The following VPS53 variants were observed in gnomAD, a reference collection of about 807,000 sequenced individuals.
The protein encoded by VPS53 is VPS53 subunit of GARP complex.
In VPS53, 70 loss-of-function variants were observed where a neutral mutation model predicts 107.0. The observed-to-expected ratio is 0.65, with a 90% CI of 0.54 to 0.80. The LOEUF is 0.80. VPS53 is among the 30% of genes least tolerant of loss of function. The pLI is 0.00. For missense variants in VPS53, 917 were observed against 1,049.4 expected (o/e 0.87, Z 1.74); for synonymous variants, 409 against 393.3 (o/e 1.04, Z -0.47).
chr17:570,619 C>T lies in VPS53; in HGVS notation c.1314-7874G>A, dbSNP rs570106651. 4.6e-4 allele frequency among the ~76,000 whole-genome samples: 70 copies of T among 152,200 alleles called. 2 individuals are homozygous for T. The South Asian group carries it at 0.014, about 31-fold the overall frequency. On this transcript the variant is annotated intron_variant, in intron 13 of 21. Coordinates refer to ENST00000437048, the MANE Select transcript of VPS53 (RefSeq NM_001128159.3). ...AATTAGTCTTCTGGGTTGAAGGAGA[C>T]CAAAGAGACATGACAACTAAATGCA...
chr17:692,574 A>G (rs55986006), intron 4 of VPS53, among the ~76,000 whole-genome samples: 182 of 152,382 alleles, frequency 1.2e-3, no homozygotes, highest in Non-Finnish European at 2.2e-3. Flanking sequence ...TATGCCTTCA[A>G]TATTTAAATC....
chr17:565,840 C>T (rs1272062946), intron 13 of VPS53, among the ~76,000 whole-genome samples: 1 of 152,228 alleles, frequency 6.6e-6, no homozygotes, highest in Non-Finnish European at 1.5e-5. Flanking sequence ...GCAGCTGCAA[C>T]TTCTGTCATC....
At chr17:568,791 T>C (rs1207544667) in intron 13 of VPS53, among the ~76,000 whole-genome samples, 2 of 152,160 alleles carry the variant, frequency 1.3e-5, no homozygotes, top group Non-Finnish European at 2.9e-5. Context: ...TGGGAGAGGC[T>C]AAAATAAACC....
rs1211013506 is a variant in VPS53 at position 627,183 on chromosome 17, T to C, written c.965A>G (p.His322Arg). 1 of 1,612,424 alleles carries C rather than the reference T, an allele frequency of 6.2e-7. No homozygotes were observed. Among genetic ancestry groups the C allele is most frequent in the East Asian group, 2.2e-5 (1 of 44,816 alleles). ...GAGAACTGGCATCTACCTTGTCACA[T>C]GGCAAAATTCCACCGCAATCCTCTC... ...MAERIAVEFC[H>R]VTRAELAKIM... is the part of the protein sequence containing the mutation. The change falls in exon 10 of 22, where the codon CAT becomes CGT. Residue 322 changes from histidine to arginine, a missense_variant. Coordinates refer to ENST00000437048, the MANE Select transcript of VPS53 (RefSeq NM_001128159.3).
At chr17:562,465 T>A in intron 14 of VPS53, 38 bp downstream of exon 14, 1 of 1,608,162 alleles carries the variant, frequency 6.2e-7, no homozygotes, top group South Asian at 1.1e-5. Flanking sequence ...TATTTAGGTC[T>A]ATTTGCCACC....
intron 11 of VPS53, among the ~76,000 whole-genome samples, chr17:617,111 C>A (rs1040891945): frequency 4.6e-5 from 7 of 152,306 alleles, no homozygotes; most frequent in Admixed American, 2.6e-4. Flanking sequence ...GCTCACAGAG[C>A]CTGTCCTGAT....
intron 13 of VPS53, among the ~76,000 whole-genome samples, chr17:575,289 C>T (rs1914501030): frequency 6.6e-6 from 1 of 152,220 alleles, no homozygotes; most frequent in South Asian, 2.1e-4. Flanking sequence ...CTAATTGAAA[C>T]ATTGTCTTAC....
chr17:610,886 C>T (rs1295427158), intron 11 of VPS53, among the ~76,000 whole-genome samples: 2 of 147,900 alleles, frequency 1.4e-5, no homozygotes, highest in Non-Finnish European at 3.0e-5. Flanking sequence ...TGCAGTGAGC[C>T]GAGATCTCAC....
intron 4 of VPS53, among the ~76,000 whole-genome samples, chr17:680,238 G>C (rs538462510): frequency 3.9e-4 from 59 of 152,166 alleles, no homozygotes; most frequent in Non-Finnish European, 6.6e-4. Context: ...AGGTTGCAGT[G>C]AGTCAAGATC....
intron 11 of VPS53, among the ~76,000 whole-genome samples, chr17:621,794 C>T (rs1969477732): frequency 6.6e-6 from 1 of 151,870 alleles, no homozygotes; most frequent in African/African-American, 2.4e-5. Context: ...TTTTTTAATC[C>T]CTTGATTATG....
chr17:627,239 G>A lies in VPS53; in HGVS notation c.909C>T (p.Gly303=). ...RQLVDYEEKY[G]RMFPREWCMA... The stretch of plus-strand genomic sequence containing the variant: ...TGCACCACTCACGTGGAAACATGCG[G>A]CCGTATTTCTCCTCATAGTCCACAA... Residue 303 remains glycine (G), a synonymous_variant, in exon 10 of 22, where the codon GGC becomes GGT. Transcript: ENST00000437048. 1.2e-6 allele frequency: 2 copies of A among 1,614,078 alleles called. No homozygotes were observed. Among genetic ancestry groups the A allele is most frequent in the Non-Finnish European group, 1.7e-6 (2 of 1,180,006 alleles).
Position 524,235 on chromosome 17 carries a change from G to A in VPS53, c.2086-2497C>T, listed in dbSNP as rs147904406. ...AATTGCTTGAACCTGGGAGGTTTGCGCTACAGCCTGGGTGACAGAACAAGA... is the reference window on the plus strand; with the variant it reads ...AATTGCTTGAACCTGGGAGGTTTGCACTACAGCCTGGGTGACAGAACAAGA... On this transcript the variant is annotated intron_variant, in intron 19 of 21. Coordinates refer to ENST00000437048, the MANE Select transcript of VPS53 (RefSeq NM_001128159.3). The surrounding 1 kb of genome is among the most constrained non-coding windows in gnomAD (Gnocchi z 4.5). Among the ~76,000 whole-genome samples the A allele has an allele frequency of 1.6e-3, 250 of 151,976 alleles. No homozygotes were observed. The highest frequency in any genetic ancestry group is 2.8e-3 in the Non-Finnish European group (189 of 67,972).
intron 12 of VPS53, among the ~76,000 whole-genome samples, chr17:601,530 C>T (rs1324334699): frequency 6.6e-6 from 1 of 152,224 alleles, no homozygotes; most frequent in Non-Finnish European, 1.5e-5. Context: ...CAGAGCAGAA[C>T]TCTCCTGGCC....
rs542024851 is a variant in VPS53, at chr17:562,764, A to C, written c.1314-19T>G. The C allele has an allele frequency of 8.2e-5, 130 of 1,585,020 alleles. No individual in the cohort carries two copies. The highest frequency in any genetic ancestry group is 1.1e-4 in the Non-Finnish European group (124 of 1,166,750). ...GAGGTTCCTAGGAGGAAAAAAAAAA[A>C]CCAAAAATGTTATTTTACTTCAAGA... On this transcript the variant is annotated intron_variant, in intron 13 of 21. Transcript: ENST00000437048.
chr17:530,308 C>T (rs1426079251), intron 19 of VPS53, among the ~76,000 whole-genome samples: 1 of 151,984 alleles, frequency 6.6e-6, no homozygotes, highest in Non-Finnish European at 1.5e-5. Context: ...CGCACCACAC[C>T]TTGCCCAGCT....
intron 4 of VPS53, among the ~76,000 whole-genome samples, chr17:665,331 G>A (rs1028886203): frequency 5.3e-5 from 8 of 152,182 alleles, no homozygotes; most frequent in African/African-American, 1.7e-4. Flanking sequence ...CCCTCGCCGC[G>A]GGAAGATGCG....
rs147241964 is a variant in VPS53 at position 591,710 on chromosome 17, G to A, written c.1219-5346C>T. Among the ~76,000 whole-genome samples the A allele has an allele frequency of 2.6e-3, 400 of 152,272 alleles. 2 individuals are homozygous for A. Among genetic ancestry groups the A allele is most frequent in the African/African-American group, 9.3e-3 (387 of 41,538 alleles). ...GGTTTTGAGTGAGATTCTTAATCCAGAGTTCTAGTTTGATTGCACTGTGGT... is the reference window on the plus strand; with the variant it reads ...GGTTTTGAGTGAGATTCTTAATCCAAAGTTCTAGTTTGATTGCACTGTGGT... On this transcript the variant is annotated intron_variant, in intron 12 of 21. Coordinates refer to ENST00000437048, the MANE Select transcript of VPS53 (RefSeq NM_001128159.3).
intron 12 of VPS53, chr17:599,813 G>C: frequency 6.6e-6 from 1 of 152,130 alleles, no homozygotes; most frequent in East Asian, 1.9e-4. Context: ...TGCTCTGATC[G>C]CAGGGATCTA....
intron 7 of VPS53, among the ~76,000 whole-genome samples, chr17:633,437 T>C (rs1214582581): frequency 6.6e-6 from 1 of 152,174 alleles, no homozygotes; most frequent in Non-Finnish European, 1.5e-5. Flanking sequence ...GAATTAACTT[T>C]ATGAAGTTTC....
Sources: gnomAD v4.1 joint callset for allele counts (sites outside exome capture counted in the v4.1 genomes callset) on GRCh38, gnomAD v4.1.1 for gene constraint, Gnocchi (gnomAD v3.1) non-coding constraint, MANE v1.5 for transcripts, NCBI Gene and HGNC (gene_info 2026-07-23, HGNC 2026-07-21) for gene names.